Variants in VWC2L observed in about 807,000 individuals in gnomAD.
The protein encoded by VWC2L is von Willebrand factor C domain-containing protein 2-like.
In VWC2L, 10 loss-of-function variants were observed where a neutral mutation model predicts 21.6. The ratio of observed to expected loss-of-function variants is 0.46; its 90% CI spans 0.29 to 0.78. VWC2L has a LOEUF of 0.78. VWC2L is among the 30% of genes least tolerant of loss of function. VWC2L has a pLI of 0.10. For missense variants in VWC2L, 209 were observed against 277.1 expected, an observed-to-expected ratio of 0.75 and a Z score of 1.74; for synonymous variants, 96 against 94.3, an observed-to-expected ratio of 1.02 and a Z score of -0.10.
At chr2:214,423,209 G>C (rs1302752327) in intron 2 of VWC2L, among the ~76,000 whole-genome samples, 1 of 152,004 alleles carries the variant, frequency 6.6e-6, no homozygotes, top group Non-Finnish European at 1.5e-5. Context: ...TTTTCTGTTT[G>C]TAAAAAGGCA....
At chr2:214,530,020 C>G (rs1001426670) in intron 3 of VWC2L, among the ~76,000 whole-genome samples, 1 of 152,114 alleles carries the variant, frequency 6.6e-6, no homozygotes, top group African/African-American at 2.4e-5. Context: ...GGTTTCACAG[C>G]AGCAGCAAAA....
intron 3 of VWC2L, among the ~76,000 whole-genome samples, chr2:214,558,734 C>T (rs946495877): frequency 1.3e-5 from 2 of 152,032 alleles, no homozygotes; most frequent in African/African-American, 4.8e-5. Flanking sequence ...AAACCAGCGT[C>T]ATCTATGTAA....
chr2:214,532,573 C>G (rs1689453927), intron 3 of VWC2L, among the ~76,000 whole-genome samples: 1 of 152,100 alleles, frequency 6.6e-6, no homozygotes, highest in African/African-American at 2.4e-5. Flanking sequence ...AATTAGGAGA[C>G]AAGAAGAAGG....
intron 3 of VWC2L, among the ~76,000 whole-genome samples, chr2:214,444,451 AAC>A (rs1029327087): frequency 3.3e-5 from 5 of 152,018 alleles, no homozygotes; most frequent in African/African-American, 1.2e-4. Flanking sequence ...TAAGGAAACA[AAC>A]CAGGTTTCTA....
chr2:214,545,252 G>A (rs965557351), intron 3 of VWC2L, among the ~76,000 whole-genome samples: 2 of 152,150 alleles, frequency 1.3e-5, no homozygotes, highest in African/African-American at 4.8e-5. Flanking sequence ...TACTTTAGGA[G>A]CACTGACATG....
intron 3 of VWC2L, among the ~76,000 whole-genome samples, chr2:214,555,657 G>T (rs866653478): frequency 6.6e-6 from 1 of 152,160 alleles, no homozygotes; most frequent in Non-Finnish European, 1.5e-5. Flanking sequence ...CCTGATCGCT[G>T]TTGTCTCTAC....
intron 3 of VWC2L, among the ~76,000 whole-genome samples, chr2:214,478,489 AAACAACG>A (rs1688558146): frequency 6.6e-6 from 1 of 152,164 alleles, no homozygotes; most frequent in African/African-American, 2.4e-5. Flanking sequence ...AAACAACAAA[AAACAACG>A]ACAACAAAAA....
At chr2:214,471,809 T>C (rs866603993) in intron 3 of VWC2L, among the ~76,000 whole-genome samples, 39 of 152,338 alleles carry the variant, frequency 2.6e-4, no homozygotes, top group Middle Eastern at 3.4e-3. Flanking sequence ...ATACTAGTTT[T>C]AGCTTACTTC....
intron 3 of VWC2L, among the ~76,000 whole-genome samples, chr2:214,440,005 A>G (rs554678999): frequency 6.6e-6 from 1 of 152,046 alleles, no homozygotes; most frequent in South Asian, 2.1e-4. Context: ...GTTTAAGAAC[A>G]TATATTTCCA....
intron 2 of VWC2L, among the ~76,000 whole-genome samples, chr2:214,431,527 C>T (rs1300586828): frequency 6.6e-6 from 1 of 152,142 alleles, no homozygotes; most frequent in Non-Finnish European, 1.5e-5. Context: ...AAACTTGGCT[C>T]TTAGAATATA....
intron 2 of VWC2L, among the ~76,000 whole-genome samples, chr2:214,433,212 C>A: frequency 7.4e-6 from 1 of 135,948 alleles, no homozygotes; most frequent in Non-Finnish European, 1.6e-5. Context: ...TAAACAAATA[C>A]ATTTGACCGC....
chr2:214,413,812 T>C (rs1402807564), intron 1 of VWC2L, among the ~76,000 whole-genome samples: 1 of 152,160 alleles, frequency 6.6e-6, no homozygotes, highest in East Asian at 1.9e-4. Context: ...GGATCACATT[T>C]TGGGGCTCAG....
rs1326514023 is a variant in VWC2L, at chr2:214,576,039, T to G, written c.*219T>G. 1 of 312,304 alleles carries G rather than the reference T, an allele frequency of 3.2e-6. No homozygotes were observed. The highest frequency in any genetic ancestry group is 5.7e-6 in the Non-Finnish European group (1 of 176,008). 19.3% of individuals were successfully genotyped at this position (312,304 alleles called of 1,614,324 possible). On this transcript the variant is annotated 3_prime_UTR_variant, in exon 4 of 4. Transcript: ENST00000312504. ...ATAGTATATAGCTATCTAAATCGCT[T>G]TTGTATTTACCAATGCTTGATGGTG... is the stretch of plus-strand genomic sequence containing the variant.
intron 3 of VWC2L, among the ~76,000 whole-genome samples, chr2:214,546,757 T>G (rs914533509): frequency 1.3e-5 from 2 of 152,112 alleles, no homozygotes; most frequent in Non-Finnish European, 2.9e-5. Flanking sequence ...GAACACTGAA[T>G]GTTACAAGCC....
At chr2:214,492,443 A>G (rs2126201709) in intron 3 of VWC2L, among the ~76,000 whole-genome samples, 1 of 152,342 alleles carries the variant, frequency 6.6e-6, no homozygotes, top group East Asian at 1.9e-4. Context: ...TCAGCTTAGA[A>G]CAATAATGCA....
At chr2:214,515,817 A>T (rs1689132936) in intron 3 of VWC2L, among the ~76,000 whole-genome samples, 1 of 152,174 alleles carries the variant, frequency 6.6e-6, no homozygotes, top group African/African-American at 2.4e-5. Context: ...GGCCTCCCAA[A>T]GTGCTGGGAT....
intron 3 of VWC2L, among the ~76,000 whole-genome samples, chr2:214,477,210 C>G (rs1361673034): frequency 1.3e-5 from 2 of 152,334 alleles, no homozygotes; most frequent in South Asian, 2.1e-4. Context: ...GAACACTTCA[C>G]TCCCTGATAG....
At chr2:214,499,954 C>G (rs535348697) in intron 3 of VWC2L, among the ~76,000 whole-genome samples, 3 of 152,228 alleles carry the variant, frequency 2.0e-5, no homozygotes, top group Admixed American at 6.5e-5. Flanking sequence ...GGGGCTATTA[C>G]GGTAGATAGG....
intron 3 of VWC2L, among the ~76,000 whole-genome samples, chr2:214,497,331 A>C (rs2126203994): frequency 6.6e-6 from 1 of 152,214 alleles, no homozygotes; most frequent in Non-Finnish European, 1.5e-5. Flanking sequence ...GTCTGTTTCA[A>C]TTTTGTTATG....
Sources: gnomAD v4.1 joint callset for allele counts (sites outside exome capture counted in the v4.1 genomes callset) on GRCh38, gnomAD v4.1.1 for gene constraint, MANE v1.5 for transcripts, NCBI Gene and HGNC (gene_info 2026-07-23, HGNC 2026-07-21) for gene names.